Variants in VOPP1 observed in about 807,000 individuals in gnomAD.
VOPP1 encodes the protein WW domain binding protein VOPP1.
VOPP1 carries 8 observed loss-of-function variants against 23.5 expected under a neutral mutation model. The observed-to-expected ratio is 0.34, with a 90% CI of 0.20 to 0.61. VOPP1 has a LOEUF of 0.61. Ranked by LOEUF, VOPP1 falls within the 20% of genes least tolerant of loss-of-function variation. The probability of loss-of-function intolerance (pLI) is 0.78; values close to 1 mark genes in which losing one functional copy is unlikely to be tolerated. For missense variants in VOPP1, 174 were observed against 238.1 expected (o/e 0.73, Z 1.77); for synonymous variants, 83 against 97.3 (o/e 0.85, Z 0.86).
intron 4 of VOPP1, among the ~76,000 whole-genome samples, chr7:55,476,761 CAG>C (rs1210927711): frequency 6.6e-6 from 1 of 152,210 alleles, no homozygotes; most frequent in Admixed American, 6.5e-5. Context: ...AGCCTCAACA[CAG>C]GGCACCAGGG....
At chr7:55,511,929 C>T (rs1038726712) in intron 2 of VOPP1, among the ~76,000 whole-genome samples, 1 of 152,170 alleles carries the variant, frequency 6.6e-6, no homozygotes, top group East Asian at 1.9e-4. Flanking sequence ...AACTGACACC[C>T]GTCTCAGATT....
chr7:55,538,742 A>G, intron 1 of VOPP1: 5 of 1,307,168 alleles, frequency 3.8e-6, no homozygotes, highest in Non-Finnish European at 5.3e-6. Context: ...CCATTCCTAT[A>G]AAGGAACGCT....
chr7:55,542,721 C>G (rs958783734), intron 1 of VOPP1, among the ~76,000 whole-genome samples: 5 of 151,602 alleles, frequency 3.3e-5, no homozygotes, highest in Admixed American at 2.0e-4. Flanking sequence ...ACCCTAGAAG[C>G]AGAGGTTGCA....
At chr7:55,546,829 G>A (rs1797384959) in intron 1 of VOPP1, among the ~76,000 whole-genome samples, 1 of 152,234 alleles carries the variant, frequency 6.6e-6, no homozygotes, top group Non-Finnish European at 1.5e-5. Flanking sequence ...CGAGAGCTCA[G>A]GCCATGCAGA....
At chr7:55,470,377 T>C (rs941558613), downstream of VOPP1, among the ~76,000 whole-genome samples, 3 of 152,318 alleles carry the variant, frequency 2.0e-5, no homozygotes, top group Middle Eastern at 3.4e-3. Context: ...TAACTTACAG[T>C]ATCAACAGTA....
intron 4 of VOPP1, among the ~76,000 whole-genome samples, chr7:55,440,254 G>A (rs1248331431): frequency 2.6e-5 from 4 of 152,190 alleles, no homozygotes; most frequent in Admixed American, 6.5e-5. Flanking sequence ...AATGCTGGCC[G>A]GGGTGGCTCA....
At chr7:55,567,730 A>G (rs139868144) in intron 1 of VOPP1, among the ~76,000 whole-genome samples, 1,665 of 152,288 alleles carry the variant, frequency 0.011, 11 homozygotes, top group Middle Eastern at 0.024. Flanking sequence ...CTTCTCACCC[A>G]TGACCACCTG....
At chr7:55,516,884 C>A (rs1346359317) in intron 2 of VOPP1, among the ~76,000 whole-genome samples, 1 of 113,302 alleles carries the variant, frequency 8.8e-6, no homozygotes, top group African/African-American at 3.4e-5. Flanking sequence ...TAGAAATGTA[C>A]TTTTTAGATG....
intron 4 of VOPP1, among the ~76,000 whole-genome samples, chr7:55,443,678 C>G (rs1001613695): frequency 1.1e-4 from 15 of 133,480 alleles, no homozygotes; most frequent in African/African-American, 4.2e-4. Context: ...GAGTTTTGCT[C>G]TTATCACCCA....
At chr7:55,502,564 T>A (rs1204113912) in intron 2 of VOPP1, among the ~76,000 whole-genome samples, 1 of 152,210 alleles carries the variant, frequency 6.6e-6, no homozygotes, top group African/African-American at 2.4e-5. Flanking sequence ...CTGTTACCCC[T>A]TTTCTGTCTG....
At chr7:55,437,906 T>G (rs1790870981) in intron 4 of VOPP1, among the ~76,000 whole-genome samples, 1 of 151,814 alleles carries the variant, frequency 6.6e-6, no homozygotes, top group Non-Finnish European at 1.5e-5. Flanking sequence ...TATTTTTTTT[T>G]TTTTGGAGAC....
At chr7:55,451,502 T>G (rs942118492) in intron 4 of VOPP1, among the ~76,000 whole-genome samples, 1 of 152,198 alleles carries the variant, frequency 6.6e-6, no homozygotes, top group Non-Finnish European at 1.5e-5. Flanking sequence ...TAAAAAATAC[T>G]TTATTGTGGC....
At chr7:55,487,234 C>A (rs1793210783) in intron 4 of VOPP1, among the ~76,000 whole-genome samples, 1 of 152,118 alleles carries the variant, frequency 6.6e-6, no homozygotes, top group Non-Finnish European at 1.5e-5. Context: ...AGGATTGAGA[C>A]ATGAGAATGA....
intron 4 of VOPP1, among the ~76,000 whole-genome samples, chr7:55,475,177 C>T (rs1368381016): frequency 1.3e-5 from 2 of 152,172 alleles, no homozygotes; most frequent in Non-Finnish European, 2.9e-5. Flanking sequence ...GGGGTAGGGA[C>T]AGACACAGGA....
chr7:55,527,219 T>C (rs900507685), intron 1 of VOPP1, among the ~76,000 whole-genome samples: 1 of 152,230 alleles, frequency 6.6e-6, no homozygotes, highest in African/African-American at 2.4e-5. Context: ...ATCAGTTCCC[T>C]AAATGCTAAT....
chr7:55,540,758 G>A (rs888434760), intron 1 of VOPP1, among the ~76,000 whole-genome samples: 1 of 152,196 alleles, frequency 6.6e-6, no homozygotes, highest in African/African-American at 2.4e-5. Context: ...CCTCAACGCA[G>A]GGAATTTACT....
rs1278816931 is a variant in VOPP1, at chr7:55,540,444, A to AATAAAAAT, written c.55-19315_55-19314insATTTTTAT. On this transcript the variant is annotated intron_variant, in intron 1 of 4. Transcript: ENST00000285279. Reference sequence around the variant, plus strand: ...AAATAAATAAATAAATAAATAAATAAAAATAAATGAACTCCCATTCCGTCC... The same window carrying AATAAAAAT: ...AAATAAATAAATAAATAAATAAATAAATAAAAATAAATAAATGAACTCCCATTCCGTCC... 1.5e-3 allele frequency among the ~76,000 whole-genome samples: 217 copies of AATAAAAAT among 141,590 alleles called. 2 individuals are homozygous for AATAAAAAT. The highest frequency in any genetic ancestry group is 5.3e-3 in the African/African-American group (207 of 38,756). 92.9% of individuals were successfully genotyped at this position (141,590 alleles called of 152,430 possible). A position where few individuals can be genotyped will look rare whatever the true frequency, so the allele number is the denominator to read the frequency against.
Position 55,572,370 on chromosome 7 carries a change from C to A in VOPP1, c.-46G>T, listed in dbSNP as rs768822406. ...GCGCGCCCGGACGCCGGGTCGCAGG[C>A]GCGCTTCGCGACTCGGCCCCCGCGC... On this transcript the variant is annotated 5_prime_UTR_variant, in exon 1 of 5. Transcript: ENST00000285279. 2.4e-6 allele frequency: 3 copies of A among 1,272,258 alleles called. No homozygotes were observed. The South Asian group carries it at 6.8e-5, about 29-fold the overall frequency. The allele number at this position is 1,272,258 out of a possible 1,614,324, so 78.8% of individuals were successfully genotyped here. A position where few individuals can be genotyped will look rare whatever the true frequency, so the allele number is the denominator to read the frequency against.
chr7:55,568,079 T>TC (rs1215878686), intron 1 of VOPP1, among the ~76,000 whole-genome samples: 4 of 97,026 alleles, frequency 4.1e-5, no homozygotes, highest in African/African-American at 3.7e-5. Flanking sequence ...AGACAACTAT[T>TC]CCTTTTTTTT....
Sources: gnomAD v4.1 joint callset for allele counts (sites outside exome capture counted in the v4.1 genomes callset) on GRCh38, gnomAD v4.1.1 for gene constraint, MANE v1.5 for transcripts, NCBI Gene and HGNC (gene_info 2026-07-23, HGNC 2026-07-21) for gene names.